ATP11B: variants seen among roughly 807,000 people sequenced by gnomAD.
The protein encoded by ATP11B is phospholipid-transporting ATPase IF.
ATP11B carries 81 observed loss-of-function variants against 157.8 expected under a neutral mutation model. The observed-to-expected ratio is 0.51, with a 90% CI of 0.43 to 0.62. The LOEUF (loss-of-function observed/expected upper bound fraction) is 0.62, where lower values mean the gene tolerates loss of function less well. Ranked by LOEUF, ATP11B falls within the 20% of genes least tolerant of loss-of-function variation. The probability of loss-of-function intolerance (pLI) is 0.00; values close to 1 mark genes in which losing one functional copy is unlikely to be tolerated. For synonymous variants in ATP11B, 451 were observed against 469.4 expected, an observed-to-expected ratio of 0.96 and a Z score of 0.51; for missense variants, 1,165 against 1,402.2, an observed-to-expected ratio of 0.83 and a Z score of 2.70.
chr3:182,839,077 T>C (rs559314641), intron 7 of ATP11B, among the ~76,000 whole-genome samples: 34 of 152,114 alleles, frequency 2.2e-4, no homozygotes, highest in Non-Finnish European at 4.6e-4. Context: ...GAGGTACATA[T>C]ACACCACAGA....
intron 12 of ATP11B, among the ~76,000 whole-genome samples, chr3:182,864,456 A>G (rs1214107740): frequency 3.9e-5 from 6 of 152,218 alleles, no homozygotes; most frequent in Admixed American, 3.3e-4. Context: ...CGCCTTTATC[A>G]TGAAGGGTAT....
intron 28 of ATP11B, among the ~76,000 whole-genome samples, chr3:182,911,505 A>G (rs574170036): frequency 5.0e-4 from 76 of 152,138 alleles, no homozygotes; most frequent in African/African-American, 1.8e-3. Context: ...ACCTTGAACA[A>G]ATTCTTAACG....
At chr3:182,848,377 A>G in intron 9 of ATP11B, 99 bp from the exon 10 acceptor site, 1 of 650,650 alleles carries the variant, frequency 1.5e-6, no homozygotes, top group South Asian at 4.6e-5. Context: ...AACAACTGTC[A>G]GACAGTACAC....
intron 29 of ATP11B, chr3:182,916,243 A>G (rs1313576207): frequency 4.1e-6 from 4 of 985,082 alleles, no homozygotes; most frequent in South Asian, 4.7e-5. Flanking sequence ...CATCTATTCT[A>G]TGTTTCTATT....
intron 27 of ATP11B, 93 bp downstream of exon 27, chr3:182,897,499 C>T: frequency 1.1e-6 from 1 of 887,320 alleles, no homozygotes; most frequent in Non-Finnish European, 1.7e-6. Context: ...CTGCTCATAA[C>T]AGATTTCAGA....
chr3:182,879,282 T>G (rs1299234177), intron 19 of ATP11B, among the ~76,000 whole-genome samples: 1 of 152,018 alleles, frequency 6.6e-6, no homozygotes, highest in African/African-American at 2.4e-5. Context: ...GAAAGAAAAA[T>G]TGAATATTAT....
intron 2 of ATP11B, among the ~76,000 whole-genome samples, chr3:182,824,944 G>T (rs904199482): frequency 6.6e-6 from 1 of 152,188 alleles, no homozygotes; most frequent in Admixed American, 6.5e-5. Flanking sequence ...TAGAAAGGTA[G>T]AATTCATATC....
intron 19 of ATP11B, among the ~76,000 whole-genome samples, chr3:182,874,733 A>G (rs567100144): frequency 2.0e-5 from 3 of 152,350 alleles, no homozygotes; most frequent in South Asian, 2.1e-4. Context: ...TTGAACCCCA[A>G]TTAAACAAAG....
rs562222245 is a variant in ATP11B, at chr3:182,881,393, C to A, written c.2509+412C>A. 6.4e-4 allele frequency among the ~76,000 whole-genome samples: 97 copies of A among 152,018 alleles called. 1 individual carries two copies. Among genetic ancestry groups the A allele is most frequent in the African/African-American group, 2.1e-3 (87 of 41,422 alleles). ...AGGTTGCAGTGAGCCGAGGCTGAGG[C>A]AGGAGAATTGCTTGAACCCAGGAGG... On this transcript the variant is annotated intron_variant, in intron 21 of 29. Coordinates refer to ENST00000323116, the MANE Select transcript of ATP11B (RefSeq NM_014616.3).
intron 6 of ATP11B, 105 bp downstream of exon 6, chr3:182,836,575 G>A: frequency 1.5e-6 from 2 of 1,323,140 alleles, no homozygotes; most frequent in Non-Finnish European, 2.1e-6. Flanking sequence ...CAGATTAAGG[G>A]GAAGTTTTTA....
intron 1 of ATP11B, among the ~76,000 whole-genome samples, chr3:182,818,033 A>G (rs1717072211): frequency 6.6e-6 from 1 of 152,192 alleles, no homozygotes; most frequent in Admixed American, 6.5e-5. Flanking sequence ...GTAATATTTT[A>G]TCTGTTTTAA....
chr3:182,827,180 C>G (rs563336476), intron 2 of ATP11B, among the ~76,000 whole-genome samples: 2 of 152,054 alleles, frequency 1.3e-5, no homozygotes, highest in Admixed American at 6.6e-5. Context: ...AAATCAATTT[C>G]CCTGTTTCAT....
intron 25 of ATP11B, among the ~76,000 whole-genome samples, chr3:182,891,601 G>C (rs1723181129): frequency 6.6e-6 from 1 of 151,922 alleles, no homozygotes; most frequent in Non-Finnish European, 1.5e-5. Flanking sequence ...CTTAATTTGA[G>C]GATTTGTTTC....
chr3:182,868,102 T>C (rs1402030372), intron 15 of ATP11B, among the ~76,000 whole-genome samples: 1 of 152,114 alleles, frequency 6.6e-6, no homozygotes, highest in Admixed American at 6.5e-5. Flanking sequence ...TTTACTTGTA[T>C]GTTTATTTTT....
intron 19 of ATP11B, among the ~76,000 whole-genome samples, chr3:182,879,266 GAGAA>G (rs1396074419): frequency 2.0e-5 from 3 of 152,086 alleles, no homozygotes; most frequent in Non-Finnish European, 2.9e-5. Flanking sequence ...TCACAAAAAA[GAGAA>G]AGAAAGAAAA....
At chr3:182,803,003 C>A (rs1716105869) in intron 1 of ATP11B, among the ~76,000 whole-genome samples, 1 of 151,998 alleles carries the variant, frequency 6.6e-6, no homozygotes, top group Admixed American at 6.6e-5. Context: ...ATGGGGGGTT[C>A]TTTTTTTCTA....
chr3:182,793,649 G>C lies in ATP11B; in HGVS notation c.-111G>C. 1 of 605,912 alleles carries C rather than the reference G, an allele frequency of 1.7e-6. No individual in the cohort carries two copies. Among genetic ancestry groups the C allele is most frequent in the Non-Finnish European group, 2.5e-6 (1 of 401,696 alleles). 37.5% of individuals were successfully genotyped at this position (605,912 alleles called of 1,614,324 possible). A position where few individuals can be genotyped will look rare whatever the true frequency, so the allele number is the denominator to read the frequency against. On this transcript the variant is annotated 5_prime_UTR_variant, in exon 1 of 30. Coordinates refer to ENST00000323116, the MANE Select transcript of ATP11B (RefSeq NM_014616.3). ...GAGGCAGTGGCGGCGGCGGCGGTAA[G>C]CGGAACTTCGGCCCGAGGGGCTCGC... is the stretch of plus-strand genomic sequence containing the variant.
chr3:182,823,641 G>A (rs151185369), intron 2 of ATP11B, among the ~76,000 whole-genome samples: 4,286 of 152,100 alleles, frequency 0.028, 98 homozygotes, highest in East Asian at 0.15. Flanking sequence ...GTTTTTTCCA[G>A]TTCTGTGAAG....
At chr3:182,880,799 A>T in intron 20 of ATP11B, 80 bp from the exon 21 acceptor site, 1 of 780,906 alleles carries the variant, frequency 1.3e-6, no homozygotes, top group Non-Finnish European at 2.0e-6. Flanking sequence ...TTCTTACTAT[A>T]GTCATTTCAG....
Sources: allele counts gnomAD v4.1 joint callset (sites outside exome capture counted in the v4.1 genomes callset), GRCh38; gene constraint gnomAD v4.1.1; transcripts MANE v1.5; gene names NCBI Gene and HGNC (gene_info 2026-07-23, HGNC 2026-07-21).